Variants in GSTA3 observed in about 807,000 individuals in gnomAD.
GSTA3 encodes the protein glutathione S-transferase alpha 3.
GSTA3 carries 16 observed loss-of-function variants against 23.1 expected under a neutral mutation model. That is an observed-to-expected ratio of 0.69 (90% confidence interval 0.47 to 1.05). GSTA3 has a LOEUF of 1.05. GSTA3 is among the 50% of genes least tolerant of loss of function. The pLI is 0.00. For missense variants in GSTA3, 319 were observed against 263.6 expected, an observed-to-expected ratio of 1.21 and a Z score of -1.46; for synonymous variants, 122 against 91.0, an observed-to-expected ratio of 1.34 and a Z score of -1.94.
intron 4 of GSTA3, among the ~76,000 whole-genome samples, 189 bp from the exon 5 acceptor site, chr6:52,900,264 C>CTTTTTTT (rs368457261): frequency 1.5e-5 from 2 of 133,456 alleles, no homozygotes; most frequent in African/African-American, 2.8e-5. Flanking sequence ...CTTTCTTTTT[C>CTTTTTTT]TTTTTTTTTT....
chr6:52,905,498 A>G (rs1254699372), intron 2 of GSTA3, among the ~76,000 whole-genome samples: 1 of 151,994 alleles, frequency 6.6e-6, no homozygotes, highest in Non-Finnish European at 1.5e-5. Context: ...AGGTCCACTC[A>G]TTGTGATTAG....
chr6:52,902,272 G>T, intron 4 of GSTA3, 74 bp downstream of exon 4: 1 of 1,581,888 alleles, frequency 6.3e-7, no homozygotes, highest in Non-Finnish European at 8.6e-7. Context: ...CCCTGTCATG[G>T]TCTCACCCAC....
At chr6:52,906,527 A>G (rs1765895051) in intron 1 of GSTA3, among the ~76,000 whole-genome samples, 1 of 152,252 alleles carries the variant, frequency 6.6e-6, no homozygotes, top group Non-Finnish European at 1.5e-5. Flanking sequence ...CCAAAAGAAC[A>G]AAGCTGGAGG....
intron 5 of GSTA3, among the ~76,000 whole-genome samples, chr6:52,899,635 G>C (rs909761658): frequency 1.3e-5 from 2 of 152,194 alleles, no homozygotes; most frequent in Non-Finnish European, 2.9e-5. Context: ...GCAACCTCTA[G>C]TGTGGTTCAG....
At chr6:52,904,725 T>TG (rs1765833444) in intron 2 of GSTA3, among the ~76,000 whole-genome samples, 1 of 152,152 alleles carries the variant, frequency 6.6e-6, no homozygotes, top group Non-Finnish European at 1.5e-5. Flanking sequence ...TGGTCTGGAC[T>TG]GGGAAGTGTT....
At chr6:52,897,040 A>G (rs1043493335) in intron 6 of GSTA3, 112 bp from the exon 7 acceptor site, 13 of 1,444,546 alleles carry the variant, frequency 9.0e-6, no homozygotes, top group Non-Finnish European at 1.1e-5. Flanking sequence ...CCCCTCCATC[A>G]GCACCAGCAT....
rs769072733 is a variant in GSTA3 at position 52,902,486 on chromosome 6, A to T, written c.140-8T>A. 5.0e-6 allele frequency: 8 copies of T among 1,598,808 alleles called. No individual in the cohort carries two copies. In the Admixed American group the frequency reaches 1.4e-4, roughly 29 times the overall value. Reference sequence around the variant, plus strand: ...GGAACATCAAACTCCCATCTTTAGAAAGAAGGAAAAAAAAGGAACATGAAA... The same window carrying T: ...GGAACATCAAACTCCCATCTTTAGATAGAAGGAAAAAAAAGGAACATGAAA... On this transcript the variant is annotated splice_polypyrimidine_tract_variant and splice_region_variant and intron_variant, in intron 3 of 6. Transcript: ENST00000211122.
chr6:52,902,199 G>A (rs1430251446), intron 4 of GSTA3, 147 bp downstream of exon 4: 23 of 874,696 alleles, frequency 2.6e-5, no homozygotes, highest in Non-Finnish European at 4.0e-5. Flanking sequence ...CATCCCCATG[G>A]GACTCTGCAA....
intron 1 of GSTA3, among the ~76,000 whole-genome samples, chr6:52,908,274 C>T (rs193146194): frequency 6.6e-6 from 1 of 151,716 alleles, no homozygotes; most frequent in Non-Finnish European, 1.5e-5. Flanking sequence ...ATAATCCCAG[C>T]ACTTCGGAAG....
At chr6:52,908,527 G>A (rs1765970745) in intron 1 of GSTA3, among the ~76,000 whole-genome samples, 1 of 151,848 alleles carries the variant, frequency 6.6e-6, no homozygotes, top group Non-Finnish European at 1.5e-5. Context: ...CAAACAAAAA[G>A]CATGAAAAAA....
intron 1 of GSTA3, among the ~76,000 whole-genome samples, chr6:52,908,138 A>G (rs528712973): frequency 1.4e-5 from 2 of 146,692 alleles, no homozygotes; most frequent in Admixed American, 7.1e-5. Context: ...TAACATGGCT[A>G]GATATCTCAA....
intron 5 of GSTA3, 103 bp downstream of exon 5, chr6:52,899,831 A>C (rs1273125627): frequency 9.5e-7 from 1 of 1,053,994 alleles, no homozygotes; most frequent in Non-Finnish European, 1.4e-6. Flanking sequence ...GTGTTCAGGA[A>C]GTCTCACTGA....
chr6:52,901,015 T>C (rs1765665170), intron 4 of GSTA3, among the ~76,000 whole-genome samples: 1 of 152,222 alleles, frequency 6.6e-6, no homozygotes, highest in Non-Finnish European at 1.5e-5. Context: ...TCCCCTTCCT[T>C]GGTGAAATTC....
chr6:52,902,852 A>G (rs922179005), intron 3 of GSTA3, among the ~76,000 whole-genome samples: 4 of 152,188 alleles, frequency 2.6e-5, no homozygotes, highest in African/African-American at 9.6e-5. Context: ...CATGGTGTTC[A>G]TGGCCTTTAA....
intron 1 of GSTA3, among the ~76,000 whole-genome samples, chr6:52,908,949 A>G (rs1765982518): frequency 1.3e-5 from 2 of 152,190 alleles, no homozygotes; most frequent in Admixed American, 1.3e-4. Flanking sequence ...GAGGCAGAAG[A>G]GGAAAAAGAG....
chr6:52,900,114 G>A (rs1338305590), intron 4 of GSTA3, 39 bp from the exon 5 acceptor site: 8 of 1,566,166 alleles, frequency 5.1e-6, no homozygotes, highest in Non-Finnish European at 6.9e-6. Context: ...AATGCCTCTT[G>A]CCTTAGATTT....
intron 5 of GSTA3, among the ~76,000 whole-genome samples, chr6:52,899,215 C>G (rs192669288): frequency 7.4e-4 from 112 of 152,082 alleles, no homozygotes; most frequent in African/African-American, 2.5e-3. Flanking sequence ...GATTGCTTTA[C>G]GAGGTAGTTA....
Position 52,896,834 on chromosome 6 carries a change from T to C in GSTA3, c.641A>G (p.Glu214Gly), listed in dbSNP as rs538998766. 6.2e-7 allele frequency: 1 copy of C among 1,614,102 alleles called. No homozygotes were observed. The highest frequency in any genetic ancestry group is 8.5e-7 in the Non-Finnish European group (1 of 1,179,960). The change falls in exon 7 of 7, where the codon GAA becomes GGA. Residue 214 changes from glutamate to glycine, a missense_variant. Coordinates refer to ENST00000211122, the MANE Select transcript of GSTA3 (RefSeq NM_000847.5). ...RKPPADAKAL[E>G]EARKIFRF The stretch of plus-strand genomic sequence containing the variant: ...AAACCTGAAAATCTTTCTGGCTTCT[T>C]CTAAAGCTTTTGCATCTGCGGGAGG...
chr6:52,905,934 T>C, intron 1 of GSTA3, 79 bp from the exon 2 acceptor site: 2 of 648,428 alleles, frequency 3.1e-6, no homozygotes, highest in South Asian at 1.8e-5. Context: ...ATATGAATGG[T>C]TGAACAACAG....
Sources: allele counts gnomAD v4.1 joint callset (sites outside exome capture counted in the v4.1 genomes callset), GRCh38; gene constraint gnomAD v4.1.1; transcripts MANE v1.5; gene names NCBI Gene and HGNC (gene_info 2026-07-23, HGNC 2026-07-21).